The following COL6A2 variants were observed in gnomAD, a reference collection of about 807,000 sequenced individuals.
COL6A2 encodes collagen alpha-2(VI) chain.
A neutral mutation model predicts 124.9 loss-of-function variants in COL6A2; 90 were observed. The observed-to-expected ratio is 0.72, with a 90% CI of 0.61 to 0.86. COL6A2 has a LOEUF of 0.86. Among genes scored for constraint, COL6A2 ranks in the 40% least tolerant of loss-of-function variants. COL6A2 has a pLI of 0.00. For missense variants in COL6A2, 1,607 were observed against 1,502.5 expected (o/e 1.07, Z -1.15); for synonymous variants, 793 against 618.2 (o/e 1.28, Z -4.19).
chr21:46,116,757 C>T lies in COL6A2; in HGVS notation c.955-13C>T, dbSNP rs953662649. 1.9e-6 allele frequency: 3 copies of T among 1,612,980 alleles called. No homozygotes were observed. Among genetic ancestry groups the T allele is most frequent in the South Asian group, 1.1e-5 (1 of 91,088 alleles). On this transcript the variant is annotated splice_polypyrimidine_tract_variant and intron_variant, in intron 9 of 27. Transcript: ENST00000300527. The surrounding 1 kb of genome is among the most constrained non-coding windows in gnomAD (Gnocchi z 4.6). ...CCGGGGCTAATGGAGTTCCCTCTTCCTTCTCTCTTCAGGGGGCCCCTGGCC... is the reference window on the plus strand; with the variant it reads ...CCGGGGCTAATGGAGTTCCCTCTTCTTTCTCTCTTCAGGGGGCCCCTGGCC...
At chr21:46,121,496 AC>A (rs1200376166) in intron 17 of COL6A2, 59 bp from the exon 18 acceptor site, 6 of 1,529,610 alleles carry the variant, frequency 3.9e-6, no homozygotes, top group Non-Finnish European at 3.6e-6. Context: ...ATGTCAGGTG[AC>A]CCCTGGGCAT....
At chr21:46,108,858 C>T (rs537788815) in intron 1 of COL6A2, among the ~76,000 whole-genome samples, 1 of 152,220 alleles carries the variant, frequency 6.6e-6, no homozygotes, top group Non-Finnish European at 1.5e-5. Context: ...GCCAGTGGCG[C>T]CTTTGCCCAA....
intron 5 of COL6A2, 115 bp from the exon 6 acceptor site, chr21:46,115,757 G>T: frequency 1.1e-6 from 1 of 923,198 alleles, no homozygotes; most frequent in Non-Finnish European, 1.7e-6. Context: ...TCTCCACTTG[G>T]GCAGGGGAAT....
intron 1 of COL6A2, among the ~76,000 whole-genome samples, chr21:46,110,768 G>A (rs1375201177): frequency 2.0e-5 from 3 of 152,262 alleles, no homozygotes; most frequent in East Asian, 3.8e-4. Context: ...CCCACTCTGC[G>A]GAGCCAGCAG....
intron 1 of COL6A2, among the ~76,000 whole-genome samples, chr21:46,106,852 GCTCAACTCTT>G (rs1463624857): frequency 1.3e-5 from 2 of 151,976 alleles, no homozygotes; most frequent in African/African-American, 4.8e-5. Flanking sequence ...TTTTTATTTT[GCTCAACTCTT>G]CTTGCTTTTT....
intron 1 of COL6A2, 132 bp downstream of exon 1, chr21:46,098,305 G>C (rs951059976): frequency 6.6e-6 from 1 of 152,264 alleles, no homozygotes; most frequent in African/African-American, 2.4e-5. Flanking sequence ...CCCAGGGACG[G>C]CGGGGGGCTC....
rs774945982 is a variant in COL6A2 at position 46,129,262 on chromosome 21, CCTT to C, written c.2462-2690_2462-2688del. ...CGCACGGAAGAGGGGCCGGACGCCA[CCTT>C]CCCCAGGACCATTCCCCTGATCCAA... On this transcript the variant is annotated intron_variant, in intron 27 of 27. Coordinates refer to ENST00000300527, the MANE Select transcript of COL6A2 (RefSeq NM_001849.4). The C allele has an allele frequency of 5.0e-6, 8 of 1,612,948 alleles. No individual in the cohort carries two copies. The South Asian group carries it at 8.8e-5, about 18-fold the overall frequency.
intron 25 of COL6A2, 37 bp downstream of exon 25, chr21:46,125,654 G>T (rs1306571926): frequency 6.3e-7 from 1 of 1,590,614 alleles, no homozygotes; most frequent in Admixed American, 1.7e-5. Flanking sequence ...ATTGCGGGGG[G>T]CCGGGCGGGG....
At position 46,126,556 on chromosome 21, in the gene COL6A2, CCT is replaced by C; in HGVS notation, c.2461+16_2461+17del. On this transcript the variant is annotated intron_variant, in intron 27 of 27. Transcript: ENST00000300527. ...CTGCCAAACAGGTAATGCAGGGCAC[CCT>C]GAGCCACCACCCCAGACTAGCAAAG... The C allele has an allele frequency of 6.2e-7, 1 of 1,613,338 alleles. No homozygotes were observed. Among genetic ancestry groups the C allele is most frequent in the Non-Finnish European group, 8.5e-7 (1 of 1,179,910 alleles).
chr21:46,122,674 C>T, intron 20 of COL6A2, 143 bp downstream of exon 20: 1 of 1,054,930 alleles, frequency 9.5e-7, no homozygotes, highest in Non-Finnish European at 1.4e-6. Flanking sequence ...GCCATGTCAC[C>T]TATGCTGAGC....
rs1227485967 is a variant in COL6A2 at position 46,125,556 on chromosome 21, C to T, written c.1908C>T (p.Asn636=). The T allele has an allele frequency of 6.2e-7, 1 of 1,612,876 alleles. No homozygotes were observed. Among genetic ancestry groups the T allele is most frequent in the East Asian group, 2.2e-5 (1 of 44,856 alleles). Residue 636 remains asparagine (N), a synonymous_variant, in exon 25 of 28, where the codon AAC becomes AAT. Coordinates refer to ENST00000300527, the MANE Select transcript of COL6A2 (RefSeq NM_001849.4). Reference sequence around the variant, plus strand: ...ACACCAACTTCACACTGGAGAAGAACTTCGTCATCAACGTGGTCAACAGGC... The same window carrying T: ...ACACCAACTTCACACTGGAGAAGAATTTCGTCATCAACGTGGTCAACAGGC... ...IGYTNFTLEK[N]FVINVVNRLG...
In COL6A2 at chr21:46,118,026, G is replaced by T. The variant is rs947553704; in HGVS notation, c.1116+90G>T. 14 of 1,281,866 alleles carry T rather than the reference G, an allele frequency of 1.1e-5. No homozygotes were observed. In the African/African-American group the frequency reaches 1.9e-4, roughly 17 times the overall value. The allele number at this position is 1,281,866 out of a possible 1,614,324, so 79.4% of individuals were successfully genotyped here. On this transcript the variant is annotated intron_variant, in intron 12 of 27. Coordinates refer to ENST00000300527, the MANE Select transcript of COL6A2 (RefSeq NM_001849.4). ...AGCCCCAGCTGAGAAGCTGAGCAGA[G>T]AGGGCCTTTCTGGAAACACTGGTCA...
At chr21:46,118,149 G>T (rs1030185081) in intron 12 of COL6A2, among the ~76,000 whole-genome samples, 4 of 152,008 alleles carry the variant, frequency 2.6e-5, no homozygotes, top group Non-Finnish European at 5.9e-5. Context: ...GCTGCTCACC[G>T]AGGCCTCGGC....
chr21:46,119,723 C>T (rs905052312), intron 14 of COL6A2, 65 bp from the exon 15 acceptor site: 5 of 1,441,958 alleles, frequency 3.5e-6, no homozygotes, highest in African/African-American at 1.4e-5. Context: ...GCACAGCCCC[C>T]ACCCTCCACA....
chr21:46,105,983 A>T (rs893061247), intron 1 of COL6A2, among the ~76,000 whole-genome samples: 1 of 152,238 alleles, frequency 6.6e-6, no homozygotes, highest in Non-Finnish European at 1.5e-5. Context: ...GCTCTCTACA[A>T]GAGATGCACT....
chr21:46,123,748 CTGAATGGA>C (rs1385545962), intron 21 of COL6A2, among the ~76,000 whole-genome samples: 2 of 118,750 alleles, frequency 1.7e-5, no homozygotes, highest in African/African-American at 6.0e-5. Context: ...TGATGGATGG[CTGAATGGA>C]TGAGTGGGGG....
At chr21:46,111,260 G>A (rs1013723359) in intron 1 of COL6A2, among the ~76,000 whole-genome samples, 190 bp from the exon 2 acceptor site, 2 of 152,210 alleles carry the variant, frequency 1.3e-5, no homozygotes, top group Non-Finnish European at 2.9e-5. Context: ...CACCCAGGGT[G>A]GGGCAAGAGG....
Position 46,125,867 on chromosome 21 carries a change from G to A in COL6A2, c.2052G>A (p.Leu684=), listed in dbSNP as rs778384892. The change falls in exon 26 of 28, where the codon CTG becomes CTA. Residue 684 remains leucine, a synonymous_variant. Coordinates refer to ENST00000300527, the MANE Select transcript of COL6A2 (RefSeq NM_001849.4). ...TGGACGACGAACGTATCGACTCCCT[G>A]TCGAGCTTCAAGGAGGCTGTCAAGA... ...IQLDDERIDS[L]SSFKEAVKNL... is the part of the protein sequence containing the mutation. 6.8e-6 allele frequency: 11 copies of A among 1,612,984 alleles called. No homozygotes were observed. Among genetic ancestry groups the A allele is most frequent in the Middle Eastern group, 3.3e-4 (2 of 6,084 alleles).
chr21:46,117,828 AC>A (rs1433708750), intron 11 of COL6A2, 45 bp from the exon 12 acceptor site: 29 of 1,574,690 alleles, frequency 1.8e-5, no homozygotes, highest in Non-Finnish European at 2.5e-5. Context: ...CATGGGGAGA[AC>A]CCCACCCGCC....
Sources: gnomAD v4.1 joint callset for allele counts (sites outside exome capture counted in the v4.1 genomes callset) on GRCh38, gnomAD v4.1.1 for gene constraint, Gnocchi (gnomAD v3.1) non-coding constraint, MANE v1.5 for transcripts, NCBI Gene and HGNC (gene_info 2026-07-23, HGNC 2026-07-21) for gene names.